Variants in MAD1L1 observed in about 807,000 individuals in gnomAD.
The protein encoded by MAD1L1 is mitotic spindle assembly checkpoint protein MAD1.
A neutral mutation model predicts 96.9 loss-of-function variants in MAD1L1; 95 were observed. That is an observed-to-expected ratio of 0.98 (90% CI 0.83 to 1.16). The LOEUF is 1.16. MAD1L1 is among the 50% of genes most tolerant of loss of function. The probability of loss-of-function intolerance (pLI) is 0.00; values close to 1 mark genes in which losing one functional copy is unlikely to be tolerated. For missense variants in MAD1L1, 1,007 were observed against 954.4 expected, an observed-to-expected ratio of 1.06 and a Z score of -0.73; for synonymous variants, 473 against 396.6, an observed-to-expected ratio of 1.19 and a Z score of -2.29.
chr7:1,867,694 C>A (rs1449928540), intron 18 of MAD1L1, among the ~76,000 whole-genome samples: 1 of 152,214 alleles, frequency 6.6e-6, no homozygotes, highest in Non-Finnish European at 1.5e-5. Context: ...GCTTCCTGGC[C>A]TCCGGGGCAG....
chr7:1,983,466 G>C lies in MAD1L1; in HGVS notation c.1417-2925C>G, dbSNP rs573903282. Among the ~76,000 whole-genome samples, 3 of 152,244 alleles carry C rather than the reference G, an allele frequency of 2.0e-5. No homozygotes were observed. In the East Asian group the frequency reaches 5.8e-4, roughly 29 times the overall value. On this transcript the variant is annotated intron_variant, in intron 14 of 18. Coordinates refer to ENST00000265854, the MANE Select transcript of MAD1L1 (RefSeq NM_001013836.2). ...CTCTCTTCTGGAGTTGGGATTGATAGGTAACATTTCCCTAAAACGTCATTC... is the reference window on the plus strand; with the variant it reads ...CTCTCTTCTGGAGTTGGGATTGATACGTAACATTTCCCTAAAACGTCATTC...
chr7:2,145,972 G>A (rs1789276714), intron 11 of MAD1L1, among the ~76,000 whole-genome samples: 1 of 152,212 alleles, frequency 6.6e-6, no homozygotes, highest in African/African-American at 2.4e-5. Context: ...AGCGACTGTG[G>A]GAAGGGCGCT....
In MAD1L1 at chr7:1,972,652, AT is replaced by A. The variant is rs56799065; in HGVS notation, c.1505+7800del. 1.7e-3 allele frequency among the ~76,000 whole-genome samples: 246 copies of A among 145,220 alleles called. 1 individual carries two copies. Among genetic ancestry groups the A allele is most frequent in the Middle Eastern group, 3.5e-3 (1 of 282 alleles). On this transcript the variant is annotated intron_variant, in intron 15 of 18. Transcript: ENST00000265854. ...ACTTATTGTTTTAATAATTTTCTCT[AT>A]TTTTTTTTTAATTTCATTGCTTTTT... is the stretch of plus-strand genomic sequence containing the variant.
intron 16 of MAD1L1, among the ~76,000 whole-genome samples, chr7:1,946,631 C>T (rs1036549614): frequency 3.3e-5 from 5 of 152,240 alleles, no homozygotes; most frequent in Non-Finnish European, 5.9e-5. Context: ...TGCTACCCAG[C>T]GCGGTTAAGC....
intron 5 of MAD1L1, 61 bp from the exon 6 acceptor site, chr7:2,219,517 T>C (rs1333915994): frequency 7.0e-6 from 11 of 1,578,184 alleles, no homozygotes; most frequent in African/African-American, 1.4e-5. Flanking sequence ...GGAAGGAGCC[T>C]GCACATGGAG....
At chr7:1,945,025 C>G (rs973027957) in intron 16 of MAD1L1, among the ~76,000 whole-genome samples, 5 of 152,178 alleles carry the variant, frequency 3.3e-5, no homozygotes, top group Non-Finnish European at 7.4e-5. Context: ...TCACCTGGGC[C>G]GTCGGCCACT....
intron 18 of MAD1L1, among the ~76,000 whole-genome samples, chr7:1,864,036 T>A (rs1041439833): frequency 1.3e-5 from 2 of 151,976 alleles, no homozygotes; most frequent in African/African-American, 4.8e-5. Context: ...GAGGTTGCAG[T>A]GAGCCGAGAT....
intron 10 of MAD1L1, among the ~76,000 whole-genome samples, chr7:2,196,407 T>A (rs1326626158): frequency 5.3e-5 from 8 of 152,216 alleles, no homozygotes; most frequent in African/African-American, 1.9e-4. Flanking sequence ...GCGTCATTCA[T>A]ATCCAACAAG....
intron 18 of MAD1L1, among the ~76,000 whole-genome samples, chr7:1,820,999 T>G (rs552250101): frequency 2.3e-4 from 33 of 142,562 alleles, no homozygotes; most frequent in Admixed American, 1.9e-3. Context: ...GAGAATGGCA[T>G]GAACCCAGGA....
intron 11 of MAD1L1, among the ~76,000 whole-genome samples, chr7:2,086,114 G>T (rs1180739315): frequency 6.6e-6 from 1 of 152,124 alleles, no homozygotes; most frequent in African/African-American, 2.4e-5. Flanking sequence ...CCTCCCTCCT[G>T]GCCAGCAGCC....
chr7:1,935,132 C>T (rs924490911), intron 17 of MAD1L1, among the ~76,000 whole-genome samples: 1 of 152,252 alleles, frequency 6.6e-6, no homozygotes, highest in Non-Finnish European at 1.5e-5. Flanking sequence ...GATGGAAGGC[C>T]CCTTCCCAAA....
intron 6 of MAD1L1, among the ~76,000 whole-genome samples, 153 bp from the exon 7 acceptor site, chr7:2,218,196 G>A (rs542126569): frequency 6.7e-5 from 10 of 149,058 alleles, no homozygotes; most frequent in African/African-American, 1.5e-4. Context: ...CCCGCCCCCC[G>A]CCAACACACA....
chr7:2,122,923 C>T lies in MAD1L1; in HGVS notation c.1073+26229G>A, dbSNP rs184652837. Among the ~76,000 whole-genome samples the T allele has an allele frequency of 5.9e-5, 9 of 152,350 alleles. No homozygotes were observed. In the East Asian group the frequency reaches 1.7e-3, roughly 29 times the overall value. ...CCTCCCAGGTGAGCTTCCCCGTCAC[C>T]GTCTGCCCATCCTGCCCTGGTAGAG... On this transcript the variant is annotated intron_variant, in intron 11 of 18. Coordinates refer to ENST00000265854, the MANE Select transcript of MAD1L1 (RefSeq NM_001013836.2).
chr7:2,190,396 A>T (rs1791661494), intron 10 of MAD1L1, among the ~76,000 whole-genome samples: 1 of 152,274 alleles, frequency 6.6e-6, no homozygotes, highest in South Asian at 2.1e-4. Flanking sequence ...AGTTAAAGCT[A>T]GAAAGTTTCT....
intron 15 of MAD1L1, among the ~76,000 whole-genome samples, chr7:1,964,726 T>A (rs919659885): frequency 4.6e-5 from 7 of 152,228 alleles, no homozygotes; most frequent in Admixed American, 3.3e-4. Context: ...TCTCCGAGCG[T>A]GTGCGTGGAA....
At chr7:2,161,091 G>T (rs1045470836) in intron 10 of MAD1L1, among the ~76,000 whole-genome samples, 5 of 35,416 alleles carry the variant, frequency 1.4e-4, no homozygotes, top group African/African-American at 5.3e-4. Flanking sequence ...GAATCATCAA[G>T]ACGATAATGG....
intron 17 of MAD1L1, among the ~76,000 whole-genome samples, chr7:1,925,413 G>C (rs1049994493): frequency 6.6e-6 from 1 of 152,142 alleles, no homozygotes; most frequent in Non-Finnish European, 1.5e-5. Context: ...AATTTATAAC[G>C]ACCCGAAGTT....
chr7:2,225,293 A>C, intron 4 of MAD1L1, 117 bp downstream of exon 4: 1 of 885,958 alleles, frequency 1.1e-6, no homozygotes, highest in South Asian at 1.6e-5. Context: ...GGTACCATGC[A>C]CAGCCCCCTT....
At chr7:1,911,716 C>T (rs1177973551) in intron 17 of MAD1L1, among the ~76,000 whole-genome samples, 1 of 151,694 alleles carries the variant, frequency 6.6e-6, no homozygotes, top group Non-Finnish European at 1.5e-5. Context: ...GCATCCCAAC[C>T]GTCTCCAGTC....
Sources: allele counts gnomAD v4.1 joint callset (sites outside exome capture counted in the v4.1 genomes callset), GRCh38; gene constraint gnomAD v4.1.1; transcripts MANE v1.5; gene names NCBI Gene and HGNC (gene_info 2026-07-23, HGNC 2026-07-21).